Variants in SLC25A23 observed in about 807,000 individuals in gnomAD.
The protein encoded by SLC25A23 is mitochondrial adenyl nucleotide antiporter SLC25A23.
A neutral mutation model predicts 53.9 loss-of-function variants in SLC25A23; 32 were observed. The ratio of observed to expected loss-of-function variants is 0.59; its 90% confidence interval spans 0.45 to 0.80. SLC25A23 has a LOEUF of 0.80. Among genes scored for constraint, SLC25A23 ranks in the 30% least tolerant of loss-of-function variants. SLC25A23 has a pLI of 0.00. For synonymous variants in SLC25A23, 275 were observed against 264.5 expected (o/e 1.04, Z -0.38); for missense variants, 575 against 651.4 (o/e 0.88, Z 1.28).
intron 1 of SLC25A23, among the ~76,000 whole-genome samples, chr19:6,458,698 C>T (rs1484006340): frequency 1.3e-5 from 2 of 152,164 alleles, no homozygotes; most frequent in African/African-American, 4.8e-5. Context: ...TCCTGTTGAA[C>T]CCAGCTGCCT....
intron 3 of SLC25A23, among the ~76,000 whole-genome samples, chr19:6,456,824 T>A (rs1261094471): frequency 6.6e-6 from 1 of 151,650 alleles, no homozygotes; most frequent in Non-Finnish European, 1.5e-5. Context: ...GGACTACAGG[T>A]GCACACCACC....
chr19:6,444,339 T>C, intron 8 of SLC25A23, 38 bp from the exon 9 acceptor site: 5 of 1,270,324 alleles, frequency 3.9e-6, no homozygotes, highest in Non-Finnish European at 5.6e-6. Context: ...TTGGGGTGGG[T>C]GACCCTAGGA....
intron 7 of SLC25A23, among the ~76,000 whole-genome samples, chr19:6,453,191 C>T (rs1880186937): frequency 6.6e-6 from 1 of 151,722 alleles, no homozygotes; most frequent in Non-Finnish European, 1.5e-5. Flanking sequence ...CTGAAGCTAC[C>T]ATCCCAGCCT....
At chr19:6,455,677 G>C (rs746500032) in intron 4 of SLC25A23, among the ~76,000 whole-genome samples, 2 of 149,398 alleles carry the variant, frequency 1.3e-5, no homozygotes, top group African/African-American at 4.9e-5. Flanking sequence ...ACCCTCTCTA[G>C]TGGCTCCCAT....
At chr19:6,436,248 A>G (rs1048874052), downstream of SLC25A23, 4 of 326,748 alleles carry the variant, frequency 1.2e-5, no homozygotes, top group Non-Finnish European at 1.9e-5. Flanking sequence ...TGTTTGAAGT[A>G]TAAGAGTCTA....
intron 4 of SLC25A23, 109 bp downstream of exon 4, chr19:6,456,311 C>T: frequency 8.7e-7 from 1 of 1,150,728 alleles, no homozygotes; most frequent in Non-Finnish European, 1.3e-6. Context: ...GTGCCTTCTC[C>T]TTCTGGAAAG....
In SLC25A23 at chr19:6,459,482, G is replaced by T. The variant is rs375160843; in HGVS notation, c.147C>A (p.Gly49=). 5.7e-6 allele frequency: 9 copies of T among 1,589,554 alleles called. No individual in the cohort carries two copies. The highest frequency in any genetic ancestry group is 6.8e-6 in the Non-Finnish European group (8 of 1,174,664). The part of the protein sequence containing the change: ...ARLGGGNPDP[G]AQQGISSEGD... ...CTGGGGGTGGGGGTACCTGTTGGGC[G>T]CCGGGGTCTGGGTTGCCCCCGCCCA... The change falls in exon 1 of 10, where the codon GGC becomes GGA. Residue 49 remains glycine, a synonymous_variant. Transcript: ENST00000301454. The surrounding 1 kb of genome is among the most constrained non-coding windows in gnomAD (Gnocchi z 4.6).
rs1309016144 is a variant in SLC25A23 at position 6,452,539 on chromosome 19, T to A, written c.904-60A>T. On this transcript the variant is annotated intron_variant, in intron 7 of 9. Coordinates refer to ENST00000301454, the MANE Select transcript of SLC25A23 (RefSeq NM_024103.3). Reference sequence around the variant, plus strand: ...CCCACCAAATCGCTACATCCAGGAATGAAGACACCTAGAAATAGCTACTCC... The same window carrying A: ...CCCACCAAATCGCTACATCCAGGAAAGAAGACACCTAGAAATAGCTACTCC... 29 of 1,540,448 alleles carry A rather than the reference T, an allele frequency of 1.9e-5. No individual in the cohort carries two copies. The East Asian group carries it at 6.7e-4, about 35-fold the overall frequency.
At chr19:6,438,766 T>C (rs779336338), downstream of SLC25A23, 5 of 332,394 alleles carry the variant, frequency 1.5e-5, no homozygotes, top group Non-Finnish European at 3.2e-5. Flanking sequence ...GGAGAATCGC[T>C]TGAACCTGGA....
Position 6,442,109 on chromosome 19 carries a change from T to C in SLC25A23, c.1273A>G (p.Ile425Val). 6.2e-7 allele frequency: 1 copy of C among 1,604,520 alleles called. No individual in the cohort carries two copies. Among genetic ancestry groups the C allele is most frequent in the Non-Finnish European group, 8.5e-7 (1 of 1,176,700 alleles). The change falls in exon 10 of 10, where the codon ATC becomes GTC. Residue 425 changes from isoleucine to valine, a missense_variant. Ile to Val is a conservative substitution (Grantham distance 29, BLOSUM62 3). Transcript: ENST00000301454. ...CCCCGCATGCCCTCCTGGGACAGGA[T>C]GTGACGTAGCAGACCCAGCATGGAC... Reference protein sequence around the residue: ...QLSMLGLLRHILSQEGMRGLY... With the variant: ...QLSMLGLLRHVLSQEGMRGLY...
intron 8 of SLC25A23, among the ~76,000 whole-genome samples, chr19:6,447,235 A>G (rs1423033589): frequency 1.3e-5 from 2 of 152,158 alleles, no homozygotes; most frequent in East Asian, 3.8e-4. Context: ...TACCTCCCCA[A>G]TAAATCACTT....
intron 1 of SLC25A23, 100 bp from the exon 2 acceptor site, chr19:6,458,424 G>A (rs902195837): frequency 3.7e-5 from 50 of 1,365,782 alleles, no homozygotes; most frequent in Admixed American, 7.6e-5. Flanking sequence ...AGCCCCCAGC[G>A]CCTTGAGGAA....
rs150361936 is a variant in SLC25A23, at chr19:6,446,819, T to C, written c.1072-2518A>G. ...CTTAGAAGGTGACATTCTTTGGAAATAGGGTCTTTGCAGATCTAATTAGTT... is the reference window on the plus strand; with the variant it reads ...CTTAGAAGGTGACATTCTTTGGAAACAGGGTCTTTGCAGATCTAATTAGTT... On this transcript the variant is annotated intron_variant, in intron 8 of 9. Coordinates refer to ENST00000301454, the MANE Select transcript of SLC25A23 (RefSeq NM_024103.3). Among the ~76,000 whole-genome samples, 29 of 152,300 alleles carry C rather than the reference T, an allele frequency of 1.9e-4. No individual in the cohort carries two copies. The East Asian group carries it at 5.6e-3, about 29-fold the overall frequency.
At chr19:6,437,164 T>C (rs1040499645), downstream of SLC25A23, among the ~76,000 whole-genome samples, 1 of 152,118 alleles carries the variant, frequency 6.6e-6, no homozygotes, top group Non-Finnish European at 1.5e-5. Flanking sequence ...TATGCCATCA[T>C]GCCCAGCTAA....
rs76569650 is a variant in SLC25A23, at chr19:6,455,525, G to A, written c.484-808C>T. ...TAACCAAGGTCCCCATGAATCGTCT[G>A]GGGTGGGAGTCTCTGGATCTCCAAA... On this transcript the variant is annotated intron_variant, in intron 4 of 9. Coordinates refer to ENST00000301454, the MANE Select transcript of SLC25A23 (RefSeq NM_024103.3). 8.8e-3 allele frequency among the ~76,000 whole-genome samples: 1,342 copies of A among 152,110 alleles called. 16 individuals carry two copies. Among genetic ancestry groups the A allele is most frequent in the Non-Finnish European group, 0.012 (847 of 67,986 alleles).
Position 6,454,527 on chromosome 19 carries a change from G to T in SLC25A23, c.642+32C>A, listed in dbSNP as rs1456545179. 4 of 1,613,212 alleles carry T rather than the reference G, an allele frequency of 2.5e-6. No homozygotes were observed. Among genetic ancestry groups the T allele is most frequent in the Admixed American group, 3.3e-5 (2 of 59,972 alleles). The stretch of plus-strand genomic sequence containing the variant: ...GTCCCCTCCCAGGTGTCAGGCCTGG[G>T]GGAGGGGGCAGGTCTCTCCAGAGCC... On this transcript the variant is annotated intron_variant, in intron 5 of 9. Coordinates refer to ENST00000301454, the MANE Select transcript of SLC25A23 (RefSeq NM_024103.3). This position sits in a 1 kb window ranked among gnomAD's most constrained non-coding sequence, Gnocchi z 4.3.
chr19:6,437,138 G>T (rs1198228242), downstream of SLC25A23, among the ~76,000 whole-genome samples: 3 of 152,112 alleles, frequency 2.0e-5, no homozygotes, highest in African/African-American at 4.8e-5. Context: ...CTCCTGAGCA[G>T]CTGGAACTAC....
Position 6,459,385 on chromosome 19 carries a change from TG to T in SLC25A23, c.156+87del. ...CTGGAGTCCAGCCACAGGTAGTCCC[TG>T]GTGGCTCCGGCCGCCCAGTTCAGGG... On this transcript the variant is annotated intron_variant, in intron 1 of 9. Coordinates refer to ENST00000301454, the MANE Select transcript of SLC25A23 (RefSeq NM_024103.3). The surrounding 1 kb of genome is among the most constrained non-coding windows in gnomAD (Gnocchi z 4.6). 1 of 1,178,514 alleles carries T rather than the reference TG, an allele frequency of 8.5e-7. No homozygotes were observed. Among genetic ancestry groups the T allele is most frequent in the Non-Finnish European group, 1.1e-6 (1 of 872,360 alleles). 73.0% of individuals were successfully genotyped at this position (1,178,514 alleles called of 1,614,324 possible). A position where few individuals can be genotyped will look rare whatever the true frequency, so the allele number is the denominator to read the frequency against.
At chr19:6,457,461 G>C (rs766447910) in intron 3 of SLC25A23, 42 bp downstream of exon 3, 1 of 1,552,426 alleles carries the variant, frequency 6.4e-7, no homozygotes, top group African/African-American at 1.4e-5. Context: ...AGGGGTCACT[G>C]TGTCCTGAGT....
Sources: allele counts gnomAD v4.1 joint callset (sites outside exome capture counted in the v4.1 genomes callset), GRCh38; gene constraint gnomAD v4.1.1; non-coding constraint Gnocchi (gnomAD v3.1); transcripts MANE v1.5; gene names NCBI Gene and HGNC (gene_info 2026-07-23, HGNC 2026-07-21).